LYG1: variants seen among roughly 807,000 people sequenced by gnomAD.
LYG1 encodes lysozyme g1, also known as lysozyme g-like protein 1.
In LYG1, 17 loss-of-function variants were observed where a neutral mutation model predicts 21.7. That is an observed-to-expected ratio of 0.78 (90% confidence interval 0.54 to 1.18). LYG1 has a LOEUF of 1.18. LYG1 is among the 50% of genes most tolerant of loss of function. LYG1 has a pLI of 0.00. For missense variants in LYG1, 211 were observed against 238.1 expected (o/e 0.89, Z 0.75); for synonymous variants, 81 against 87.4 (o/e 0.93, Z 0.41).
At chr2:99,302,693 G>A (rs2094158060), upstream of LYG1, among the ~76,000 whole-genome samples, 1 of 152,164 alleles carries the variant, frequency 6.6e-6, no homozygotes, top group Non-Finnish European at 1.5e-5. Flanking sequence ...CACTCACTCT[G>A]CATCCCCAGT....
rs1457475627 is a variant in LYG1, at chr2:99,295,010, G to A, written c.43+618C>T. Among the ~76,000 whole-genome samples the A allele has an allele frequency of 2.0e-5, 3 of 152,280 alleles. No homozygotes were observed. The East Asian group carries it at 5.8e-4, about 29-fold the overall frequency. ...CCAGCTACTTGGGAGGCTGAGGCAG[G>A]AGAATCGCTTGAAACCGGAAGGCAG... On this transcript the variant is annotated intron_variant, in intron 3 of 6. Coordinates refer to ENST00000308528, the MANE Select transcript of LYG1 (RefSeq NM_174898.3).
intron 3 of LYG1, 133 bp downstream of exon 3, chr2:99,295,495 T>G: frequency 9.0e-7 from 1 of 1,115,506 alleles, no homozygotes; most frequent in Non-Finnish European, 1.4e-6. Flanking sequence ...TGTTCCTAAC[T>G]CCAGGATTTG....
At chr2:99,297,340 A>G (rs1359187573) in intron 2 of LYG1, among the ~76,000 whole-genome samples, 1 of 152,240 alleles carries the variant, frequency 6.6e-6, no homozygotes, top group Non-Finnish European at 1.5e-5. Flanking sequence ...GCTTGGGTAT[A>G]GGAAAAGCTC....
In LYG1 at chr2:99,291,295, C is replaced by T; in HGVS notation, c.275G>A (p.Arg92Lys). Residue 92 changes from arginine (R) to lysine (K), a missense_variant, in exon 5 of 7, where the codon AGG becomes AAG. By Grantham distance (26) the Arg-to-Lys change is conservative. Coordinates refer to ENST00000308528, the MANE Select transcript of LYG1 (RefSeq NM_174898.3). ...DPAVIAGVLS[R>K]KSPGDKILVN... ...CAGAATTTTGTCACCGGGAGACTTCCTGGACAAGACACCAGCGATCACGGC... is the reference window on the plus strand; with the variant it reads ...CAGAATTTTGTCACCGGGAGACTTCTTGGACAAGACACCAGCGATCACGGC... 1 of 1,613,504 alleles carries T rather than the reference C, an allele frequency of 6.2e-7. No individual in the cohort carries two copies. The highest frequency in any genetic ancestry group is 8.5e-7 in the Non-Finnish European group (1 of 1,179,636).
upstream of LYG1, among the ~76,000 whole-genome samples, chr2:99,301,432 A>T (rs1357649274): frequency 1.4e-5 from 2 of 142,614 alleles, no homozygotes; most frequent in Admixed American, 7.4e-5. Flanking sequence ...AAGGAGAGAG[A>T]GAGTGAGAAG....
At chr2:99,295,078 G>T (rs781243199) in intron 3 of LYG1, among the ~76,000 whole-genome samples, 25 of 151,990 alleles carry the variant, frequency 1.6e-4, no homozygotes, top group Non-Finnish European at 3.1e-4. Flanking sequence ...CTCCAGCCTG[G>T]GTGAAAGAGC....
intron 3 of LYG1, among the ~76,000 whole-genome samples, chr2:99,294,460 G>C (rs925557049): frequency 6.6e-6 from 1 of 152,152 alleles, no homozygotes; most frequent in African/African-American, 2.4e-5. Context: ...ATGTGGAAAT[G>C]AAAAGACTAG....
At chr2:99,300,435 C>G (rs2094150785) in intron 1 of LYG1, among the ~76,000 whole-genome samples, 1 of 152,212 alleles carries the variant, frequency 6.6e-6, no homozygotes, top group East Asian at 1.9e-4. Flanking sequence ...GTGAACGTTT[C>G]CTTCTGCACA....
chr2:99,297,717 T>C (rs1310155284), intron 2 of LYG1, among the ~76,000 whole-genome samples: 1 of 126,406 alleles, frequency 7.9e-6, no homozygotes, highest in Non-Finnish European at 1.8e-5. Flanking sequence ...CAATGGAATT[T>C]TTCTTTTTTT....
At chr2:99,292,985 C>CT (rs70940159) in intron 3 of LYG1, among the ~76,000 whole-genome samples, 63,175 of 83,368 alleles carry the variant, frequency 0.76, 24,959 homozygotes, top group East Asian at 0.81. Context: ...CCTCATCTTA[C>CT]TTTTTTTTTT....
At chr2:99,295,844 GA>G (rs11289179) in intron 2 of LYG1, 142 bp from the exon 3 acceptor site, 315,581 of 750,620 alleles carry the variant, frequency 0.42, 71,107 homozygotes, top group East Asian at 0.64. Context: ...GAATCATAGT[GA>G]AAAAAAAGCA....
In LYG1 at chr2:99,295,830, A is replaced by G. The variant is rs996787404; in HGVS notation, c.-32-128T>C. 2.2e-5 allele frequency: 20 copies of G among 895,350 alleles called. No homozygotes were observed. In the African/African-American group the frequency reaches 3.1e-4, roughly 14 times the overall value. The allele number at this position is 895,350 out of a possible 1,614,324, so 55.5% of individuals were successfully genotyped here. The stretch of plus-strand genomic sequence containing the variant: ...CATATCTGACCTAAGAAAATGAATT[A>G]TTTGAATCATAGTGAAAAAAAAGCA... On this transcript the variant is annotated intron_variant, in intron 2 of 6. Coordinates refer to ENST00000308528, the MANE Select transcript of LYG1 (RefSeq NM_174898.3).
chr2:99,288,023 T>C (rs1447647313), intron 5 of LYG1, among the ~76,000 whole-genome samples: 3 of 152,168 alleles, frequency 2.0e-5, no homozygotes, highest in Middle Eastern at 3.2e-3. Flanking sequence ...TTTTCTTCTA[T>C]ATCTTTGCTG....
intron 1 of LYG1, among the ~76,000 whole-genome samples, chr2:99,300,715 G>A (rs1285320050): frequency 7.6e-5 from 11 of 144,190 alleles, no homozygotes; most frequent in South Asian, 2.3e-4. Flanking sequence ...CAAATATGAC[G>A]TCGCATTTGG....
Position 99,291,404 on chromosome 2 carries a change from T to C in LYG1, c.166A>G (p.Arg56Gly), listed in dbSNP as rs761397918. 6.2e-7 allele frequency: 1 copy of C among 1,614,156 alleles called. No homozygotes were observed. The highest frequency in any genetic ancestry group is 2.2e-5 in the East Asian group (1 of 44,890). Reference sequence around the variant, plus strand: ...TATGGCATGTCTATTTCAGCCAGCCTTTCAGAAGCACGAACTCCTAAACCA... The same window carrying C: ...TATGGCATGTCTATTTCAGCCAGCCCTTCAGAAGCACGAACTCCTAAACCA... ...LNYCGVRASE[R>G]LAEIDMPYLL... is the part of the protein sequence containing the mutation. Residue 56 changes from arginine to glycine, a missense_variant, in exon 5 of 7, where the codon AGG becomes GGG. Transcript: ENST00000308528.
intron 3 of LYG1, among the ~76,000 whole-genome samples, chr2:99,294,921 G>C (rs2094132143): frequency 6.6e-6 from 1 of 152,132 alleles, no homozygotes; most frequent in Admixed American, 6.6e-5. Flanking sequence ...GGCCAACATG[G>C]TGAAACCCTG....
chr2:99,297,982 T>C (rs1377356511), intron 2 of LYG1, among the ~76,000 whole-genome samples: 2 of 152,214 alleles, frequency 1.3e-5, no homozygotes, highest in African/African-American at 4.8e-5. Context: ...CCTGAGTAGG[T>C]AGGGTTACAG....
At chr2:99,304,471 C>T (rs1483651569), upstream of LYG1, among the ~76,000 whole-genome samples, 1 of 152,128 alleles carries the variant, frequency 6.6e-6, no homozygotes, top group Non-Finnish European at 1.5e-5. Context: ...TTATCAGCAG[C>T]ATGAAAGTGG....
rs745437302 is a variant in LYG1 at position 99,284,403 on chromosome 2, T to C, written c.575A>G (p.His192Arg). The change falls in exon 7 of 7, where the codon CAT (histidine) becomes CGT (arginine). Residue 192 changes from histidine (H) to arginine (R), a missense_variant. Transcript: ENST00000308528. ...VLARAKYLKRHGF is the reference protein window; with the variant it reads ...VLARAKYLKRRGF ...GTTTCATCTGAGATGTTAGAAGCCATGTCTCTTGAGGTACTTGGCTCGTGC... is the reference window on the plus strand; with the variant it reads ...GTTTCATCTGAGATGTTAGAAGCCACGTCTCTTGAGGTACTTGGCTCGTGC... 3 of 1,613,868 alleles carry C rather than the reference T, an allele frequency of 1.9e-6. No homozygotes were observed. The highest frequency in any genetic ancestry group is 2.5e-6 in the Non-Finnish European group (3 of 1,179,724).
Sources: gnomAD v4.1 joint callset for allele counts (sites outside exome capture counted in the v4.1 genomes callset) on GRCh38, gnomAD v4.1.1 for gene constraint, MANE v1.5 for transcripts, NCBI Gene and HGNC (gene_info 2026-07-23, HGNC 2026-07-21) for gene names.